HS3ST5: variants seen among roughly 807,000 people sequenced by gnomAD.
The protein encoded by HS3ST5 is heparan sulfate glucosamine 3-O-sulfotransferase 5.
A neutral mutation model predicts 25.4 loss-of-function variants in HS3ST5; 10 were observed. The observed-to-expected ratio is 0.39, with a 90% confidence interval of 0.24 to 0.67. The LOEUF is 0.67. Among genes scored for constraint, HS3ST5 ranks in the 30% least tolerant of loss-of-function variants. The probability of loss-of-function intolerance (pLI) is 0.44; values close to 1 mark genes in which losing one functional copy is unlikely to be tolerated. For missense variants in HS3ST5, 324 were observed against 420.7 expected (o/e 0.77, Z 2.01); for synonymous variants, 170 against 162.4 (o/e 1.05, Z -0.36).
chr6:114,283,663 A>G (rs559455079), intron 1 of HS3ST5, among the ~76,000 whole-genome samples: 1 of 151,996 alleles, frequency 6.6e-6, no homozygotes, highest in Admixed American at 6.6e-5. Context: ...CTACACAGTG[A>G]ATCTGTTCTT....
intron 3 of HS3ST5, among the ~76,000 whole-genome samples, chr6:114,108,291 C>T (rs1562199890): frequency 1.3e-5 from 2 of 152,126 alleles, no homozygotes; most frequent in Non-Finnish European, 2.9e-5. Context: ...TCCCACTCCT[C>T]GCCCCTCTGC....
At chr6:114,143,861 T>A (rs990194159) in intron 3 of HS3ST5, 1 of 152,534 alleles carries the variant, frequency 6.6e-6, no homozygotes, top group Admixed American at 6.5e-5. Context: ...CCAATAAGCT[T>A]TCTTCCAAAA....
At chr6:114,101,266 T>C (rs1775714843) in intron 3 of HS3ST5, among the ~76,000 whole-genome samples, 1 of 152,212 alleles carries the variant, frequency 6.6e-6, no homozygotes, top group Admixed American at 6.5e-5. Context: ...CATATTTATT[T>C]AGGGCAACTC....
intron 3 of HS3ST5, chr6:114,132,003 ATTG>A (rs1351872974): frequency 1.3e-5 from 2 of 152,142 alleles, no homozygotes; most frequent in Non-Finnish European, 2.9e-5. Flanking sequence ...AATCTTTTGA[ATTG>A]TTATCTTATT....
At chr6:114,193,879 G>T (rs1780618508) in intron 2 of HS3ST5, among the ~76,000 whole-genome samples, 1 of 151,964 alleles carries the variant, frequency 6.6e-6, no homozygotes, top group Non-Finnish European at 1.5e-5. Context: ...CTATTCCTGG[G>T]GGCAGCTTCC....
At chr6:114,171,323 CT>C (rs1171659397) in intron 2 of HS3ST5, among the ~76,000 whole-genome samples, 2 of 152,100 alleles carry the variant, frequency 1.3e-5, no homozygotes, top group Non-Finnish European at 2.9e-5. Context: ...AAAAGTTCTG[CT>C]TTTAACTTGT....
At chr6:114,086,846 G>A (rs184571215) in intron 3 of HS3ST5, among the ~76,000 whole-genome samples, 1 of 152,294 alleles carries the variant, frequency 6.6e-6, no homozygotes, top group East Asian at 1.9e-4. Context: ...ACTTTGAACA[G>A]AGAAGATAAT....
At chr6:114,294,546 G>C (rs1031460405) in intron 1 of HS3ST5, among the ~76,000 whole-genome samples, 1 of 149,808 alleles carries the variant, frequency 6.7e-6, no homozygotes, top group African/African-American at 2.5e-5. Flanking sequence ...CCCGGGTTCA[G>C]GCCATTCTCC....
At chr6:114,106,901 C>T (rs950334202) in intron 3 of HS3ST5, among the ~76,000 whole-genome samples, 1 of 152,060 alleles carries the variant, frequency 6.6e-6, no homozygotes, top group African/African-American at 2.4e-5. Context: ...TTTATCACAT[C>T]TCAGACTTTG....
chr6:114,201,628 C>A (rs1470743319), intron 2 of HS3ST5, among the ~76,000 whole-genome samples: 1 of 152,122 alleles, frequency 6.6e-6, no homozygotes, highest in African/African-American at 2.4e-5. Flanking sequence ...CAAGACTTTG[C>A]CTAAACGTCA....
At chr6:114,167,775 C>T (rs1300644848) in intron 3 of HS3ST5, 5 of 152,030 alleles carry the variant, frequency 3.3e-5, no homozygotes, top group East Asian at 3.9e-4. Context: ...ATAAAAAGCA[C>T]GATAGAACTT....
intron 1 of HS3ST5, among the ~76,000 whole-genome samples, chr6:114,327,982 C>G (rs1776238605): frequency 6.6e-6 from 1 of 151,956 alleles, no homozygotes; most frequent in Non-Finnish European, 1.5e-5. Flanking sequence ...TAGGCTCACA[C>G]TTAGTAAGAA....
intron 1 of HS3ST5, among the ~76,000 whole-genome samples, chr6:114,303,530 A>T (rs189602080): frequency 6.6e-6 from 1 of 151,992 alleles, no homozygotes; most frequent in Admixed American, 6.6e-5. Flanking sequence ...TTTTACTTCA[A>T]TATGTTAAGA....
At chr6:114,251,994 G>C (rs1462469219) in intron 1 of HS3ST5, 1 of 152,170 alleles carries the variant, frequency 6.6e-6, no homozygotes, top group Non-Finnish European at 1.5e-5. Context: ...CAGCACCTAG[G>C]AGGGTACCTC....
chr6:114,337,805 C>T (rs958760229), intron 1 of HS3ST5, among the ~76,000 whole-genome samples: 5 of 152,086 alleles, frequency 3.3e-5, no homozygotes, highest in African/African-American at 9.7e-5. Flanking sequence ...TATTCAAGAG[C>T]AGAGTAGACT....
intron 3 of HS3ST5, among the ~76,000 whole-genome samples, chr6:114,108,790 A>G (rs142627191): frequency 1.4e-3 from 220 of 152,306 alleles, no homozygotes; most frequent in African/African-American, 5.2e-3. Context: ...AGGTATATAC[A>G]TATGTCAAAA....
At chr6:114,330,021 T>A (rs28670286) in intron 1 of HS3ST5, among the ~76,000 whole-genome samples, 1 of 152,200 alleles carries the variant, frequency 6.6e-6, no homozygotes, top group Non-Finnish European at 1.5e-5. Flanking sequence ...TGCTACTCCC[T>A]CTTGGGTAAG....
At chr6:114,215,780 T>C (rs1165841298) in intron 2 of HS3ST5, among the ~76,000 whole-genome samples, 2 of 152,216 alleles carry the variant, frequency 1.3e-5, no homozygotes, top group Non-Finnish European at 2.9e-5. Flanking sequence ...ATCACTATGA[T>C]ATCTGCATAA....
chr6:114,270,211 G>C (rs1773579813), intron 1 of HS3ST5, among the ~76,000 whole-genome samples: 1 of 152,154 alleles, frequency 6.6e-6, no homozygotes, highest in South Asian at 2.1e-4. Flanking sequence ...TAATGAGGCA[G>C]ACTGCCAATT....
Sources: gnomAD v4.1 joint callset for allele counts (sites outside exome capture counted in the v4.1 genomes callset) on GRCh38, gnomAD v4.1.1 for gene constraint, MANE v1.5 for transcripts, NCBI Gene and HGNC (gene_info 2026-07-23, HGNC 2026-07-21) for gene names.